The following SERPINB4 variants were observed in gnomAD, a reference collection of about 807,000 sequenced individuals.
The protein encoded by SERPINB4 is serpin B4.
In SERPINB4, 39 loss-of-function variants were observed where a neutral mutation model predicts 33.2. That is an observed-to-expected ratio of 1.18 (90% CI 0.91 to 1.53). The LOEUF is 1.53. SERPINB4 is among the 40% of genes most tolerant of loss of function. The pLI is 0.00. For synonymous variants in SERPINB4, 191 were observed against 166.4 expected (o/e 1.15, Z -1.14); for missense variants, 564 against 455.4 (o/e 1.24, Z -2.17).
At chr18:63,639,107 C>G in intron 7 of SERPINB4, 78 bp downstream of exon 7, 1 of 1,456,266 alleles carries the variant, frequency 6.9e-7, no homozygotes, top group East Asian at 2.4e-5. Context: ...CGGTCATAAG[C>G]TTTTACCTTG....
chr18:63,638,217 G>T, intron 7 of SERPINB4, 94 bp from the exon 8 acceptor site: 7 of 1,413,074 alleles, frequency 5.0e-6, no homozygotes, highest in Non-Finnish European at 1.9e-6. Flanking sequence ...CGTTATTTTG[G>T]CAATAAATGT....
Position 63,639,792 on chromosome 18 carries a change from T to A in SERPINB4, c.470-16A>T, listed in dbSNP as rs764827599. On this transcript the variant is annotated splice_polypyrimidine_tract_variant and intron_variant, in intron 5 of 7. Transcript: ENST00000341074. ...TTAATTTTTTCTGCAAGGGAAAGAA[T>A]AAAAGAGTCTTTTACACAAGCTACA... The A allele has an allele frequency of 6.2e-7, 1 of 1,602,540 alleles. No homozygotes were observed. Among genetic ancestry groups the A allele is most frequent in the Non-Finnish European group, 8.5e-7 (1 of 1,173,856 alleles).
intron 3 of SERPINB4, 94 bp from the exon 4 acceptor site, chr18:63,641,982 T>C (rs938239408): frequency 4.5e-6 from 7 of 1,563,352 alleles, no homozygotes; most frequent in Non-Finnish European, 6.1e-6. Flanking sequence ...TAAATGCTGG[T>C]AGTCTCATTG....
rs771512244 is a variant in SERPINB4, at chr18:63,638,171, A to G, written c.769-48T>C. ...CTGATATGACTAACTGTCGATCTCT[A>G]ATACACCTTAACAATGAATTGACTA... On this transcript the variant is annotated intron_variant, in intron 7 of 7. Transcript: ENST00000341074. 3 of 1,568,144 alleles carry G rather than the reference A, an allele frequency of 1.9e-6. No individual in the cohort carries two copies. In the African/African-American group the frequency reaches 4.1e-5, roughly 21 times the overall value.
chr18:63,639,398 A>C, intron 6 of SERPINB4, 58 bp from the exon 7 acceptor site: 1 of 1,501,524 alleles, frequency 6.7e-7, no homozygotes, highest in Non-Finnish European at 9.1e-7. Context: ...AAAAAAGATA[A>C]TATTATTGAG....
Position 63,640,894 on chromosome 18 carries a change from C to T in SERPINB4, c.449G>A (p.Trp150Ter). The change falls in exon 5 of 8, where the codon TGG (tryptophan) becomes TAG (stop). Residue 150 changes from tryptophan (W) to a stop codon, truncating the protein, a stop_gained. Transcript: ENST00000341074. LOFTEE classifies it high-confidence loss of function. ...CCTACCATTCGTTTGACTTTCCACCCAGGAGTTAATCTTCTTTCGACTTTC... is the reference window on the plus strand; with the variant it reads ...CCTACCATTCGTTTGACTTTCCACCTAGGAGTTAATCTTCTTTCGACTTTC... ...PEESRKKINSWVESQTNEKIK... is the reference protein window; with the variant it reads ...PEESRKKINS 3 of 1,612,536 alleles carry T rather than the reference C, an allele frequency of 1.9e-6. No homozygotes were observed. The highest frequency in any genetic ancestry group is 3.4e-4 in the Middle Eastern group (2 of 5,964).
intron 7 of SERPINB4, among the ~76,000 whole-genome samples, chr18:63,638,907 C>T (rs1913030161): frequency 6.6e-6 from 1 of 151,548 alleles, no homozygotes; most frequent in Non-Finnish European, 1.5e-5. Context: ...CACATGTATA[C>T]ATATGTAACT....
chr18:63,639,582 A>G lies in SERPINB4; in HGVS notation c.612+52T>C, dbSNP rs992526350. The G allele has an allele frequency of 2.6e-5, 32 of 1,249,728 alleles. No individual in the cohort carries two copies. The Admixed American group carries it at 6.6e-4, about 26-fold the overall frequency. 77.4% of individuals were successfully genotyped at this position (1,249,728 alleles called of 1,614,324 possible). On this transcript the variant is annotated intron_variant, in intron 6 of 7. Transcript: ENST00000341074. ...ATGTTACATTCCATCAGAAATGTTT[A>G]ACATTCCATGTATTAACATATTACA... is the stretch of plus-strand genomic sequence containing the variant.
intron 7 of SERPINB4, 140 bp downstream of exon 7, chr18:63,639,045 G>A: frequency 2.1e-6 from 2 of 956,226 alleles, no homozygotes; most frequent in East Asian, 2.6e-5. Flanking sequence ...TTTGTAATAT[G>A]AAGGTGAGTC....
intron 3 of SERPINB4, 66 bp from the exon 4 acceptor site, chr18:63,641,954 G>A: frequency 1.2e-6 from 2 of 1,600,932 alleles, no homozygotes; most frequent in Non-Finnish European, 1.7e-6. Flanking sequence ...CCCATGCTAA[G>A]TCTGTTAGAT....
At chr18:63,639,805 T>C (rs1250476178) in intron 5 of SERPINB4, 29 bp from the exon 6 acceptor site, 3 of 1,585,886 alleles carry the variant, frequency 1.9e-6, no homozygotes, top group African/African-American at 2.7e-5. Flanking sequence ...AAGAGTCTTT[T>C]ACACAAGCTA....
chr18:63,639,570 T>A, intron 6 of SERPINB4, 64 bp downstream of exon 6: 1 of 1,180,242 alleles, frequency 8.5e-7, no homozygotes. Context: ...TTACATTCCA[T>A]CAGAAATGTT....
intron 5 of SERPINB4, 77 bp downstream of exon 5, chr18:63,640,797 C>G (rs1239658661): frequency 3.0e-5 from 37 of 1,228,160 alleles, no homozygotes; most frequent in Non-Finnish European, 4.2e-5. Flanking sequence ...CACACCTGTT[C>G]CCCCATGCAG....
chr18:63,642,252 A>G (rs114287389), intron 3 of SERPINB4, among the ~76,000 whole-genome samples: 1 of 152,096 alleles, frequency 6.6e-6, no homozygotes, highest in African/African-American at 2.4e-5. Flanking sequence ...GTCATCAAGG[A>G]TACGAGTATG....
Position 63,639,688 on chromosome 18 carries a change from C to G in SERPINB4, c.558G>C (p.Trp186Cys). 3 of 1,611,502 alleles carry G rather than the reference C, an allele frequency of 1.9e-6. No homozygotes were observed. The highest frequency in any genetic ancestry group is 2.5e-6 in the Non-Finnish European group (3 of 1,178,170). The change falls in exon 6 of 8, where the codon TGG (tryptophan) becomes TGC (cysteine). Residue 186 changes from tryptophan to cysteine, a missense_variant. Coordinates refer to ENST00000341074, the MANE Select transcript of SERPINB4 (RefSeq NM_002974.4). ...TGTTTTCTTTTTTAAATTTATTCTC[C>G]CACTGCCCTTTGAAATAGATTGCGT... The part of the protein sequence containing the change: ...LVNAIYFKGQ[W>C]ENKFKKENTK...
Position 63,638,058 on chromosome 18 carries a change from T to G in SERPINB4, c.834A>C (p.Thr278=). ...EWTSLQNMRE[T]CVDLHLPRFK... is the part of the protein sequence containing the mutation. The stretch of plus-strand genomic sequence containing the variant: ...ACCGAGGTAAGTGTAAATCGACACA[T>G]GTCTCTCTCATATTCTGCAAACTTG... The change falls in exon 8 of 8, where the codon ACA becomes ACC. Residue 278 remains threonine (T), a synonymous_variant. Coordinates refer to ENST00000341074, the MANE Select transcript of SERPINB4 (RefSeq NM_002974.4). The G allele has an allele frequency of 6.2e-7, 1 of 1,612,952 alleles. No individual in the cohort carries two copies. Among genetic ancestry groups the G allele is most frequent in the South Asian group, 1.1e-5 (1 of 91,058 alleles).
At chr18:63,638,185 A>G in intron 7 of SERPINB4, 62 bp from the exon 8 acceptor site, 1 of 1,536,626 alleles carries the variant, frequency 6.5e-7, no homozygotes, top group South Asian at 1.3e-5. Context: ...CACCTTAACA[A>G]TGAATTGACT....
rs535725249 is a variant in SERPINB4 at position 63,643,031 on chromosome 18, C to G, written c.222+130G>C. 7 of 1,098,222 alleles carry G rather than the reference C, an allele frequency of 6.4e-6. No individual in the cohort carries two copies. The South Asian group carries it at 1.0e-4, about 16-fold the overall frequency. The allele number at this position is 1,098,222 out of a possible 1,614,324, so 68.0% of individuals were successfully genotyped here. On this transcript the variant is annotated intron_variant, in intron 3 of 7. Coordinates refer to ENST00000341074, the MANE Select transcript of SERPINB4 (RefSeq NM_002974.4). ...ATGTGCCATGAAATGCCAACCCACTCTGTATGTCTCAATCTTTGTGTCCAA... is the reference window on the plus strand; with the variant it reads ...ATGTGCCATGAAATGCCAACCCACTGTGTATGTCTCAATCTTTGTGTCCAA...
intron 3 of SERPINB4, among the ~76,000 whole-genome samples, chr18:63,642,385 C>T (rs909721579): frequency 5.3e-5 from 8 of 151,988 alleles, no homozygotes; most frequent in Non-Finnish European, 8.8e-5. Flanking sequence ...ATTCTCTGCA[C>T]GTAAGAAGAG....
Sources: gnomAD v4.1 joint callset for allele counts (sites outside exome capture counted in the v4.1 genomes callset) on GRCh38, gnomAD v4.1.1 for gene constraint, MANE v1.5 for transcripts, NCBI Gene and HGNC (gene_info 2026-07-23, HGNC 2026-07-21) for gene names.